Variants in KIF13A observed in about 807,000 individuals in gnomAD.
KIF13A encodes kinesin-like protein KIF13A.
A neutral mutation model predicts 212.2 loss-of-function variants in KIF13A; 79 were observed. That is an observed-to-expected ratio of 0.37 (90% CI 0.31 to 0.45). KIF13A has a LOEUF of 0.45. KIF13A is among the 20% of genes least tolerant of loss of function. KIF13A has a pLI of 1.00. For synonymous variants in KIF13A, 789 were observed against 808.6 expected, an observed-to-expected ratio of 0.98 and a Z score of 0.41; for missense variants, 1,901 against 2,209.0, an observed-to-expected ratio of 0.86 and a Z score of 2.79.
At chr6:17,975,506 C>T (rs943271586) in intron 2 of KIF13A, among the ~76,000 whole-genome samples, 2 of 151,734 alleles carry the variant, frequency 1.3e-5, no homozygotes, top group Non-Finnish European at 2.9e-5. Flanking sequence ...AATGTAGGCC[C>T]AAAAAGGGAG....
At chr6:17,942,700 G>A (rs773298586) in intron 2 of KIF13A, among the ~76,000 whole-genome samples, 11 of 152,110 alleles carry the variant, frequency 7.2e-5, no homozygotes, top group Non-Finnish European at 1.6e-4. Flanking sequence ...AGATTAGGCC[G>A]GGCGCAGTGG....
At chr6:17,840,189 C>A (rs1273676557) in intron 9 of KIF13A, among the ~76,000 whole-genome samples, 1 of 152,008 alleles carries the variant, frequency 6.6e-6, no homozygotes, top group East Asian at 1.9e-4. Flanking sequence ...ATTAATGCTA[C>A]TGAATTGAAC....
At chr6:17,929,898 C>T (rs1775847731) in intron 2 of KIF13A, among the ~76,000 whole-genome samples, 1 of 152,208 alleles carries the variant, frequency 6.6e-6, no homozygotes, top group South Asian at 2.1e-4. Flanking sequence ...CATGCAAACA[C>T]ATTAGCCAGT....
chr6:17,908,034 T>TA (rs1478635009), intron 2 of KIF13A, among the ~76,000 whole-genome samples: 4 of 152,072 alleles, frequency 2.6e-5, no homozygotes, highest in Non-Finnish European at 5.9e-5. Flanking sequence ...GTGTGTAAGT[T>TA]AAGACACTAC....
chr6:17,883,023 C>T lies in KIF13A; in HGVS notation c.160-9586G>A, dbSNP rs1771221282. Among the ~76,000 whole-genome samples, 1 of 152,014 alleles carries T rather than the reference C, an allele frequency of 6.6e-6. No individual in the cohort carries two copies. The highest frequency in any genetic ancestry group is 6.6e-5 in the Admixed American group (1 of 15,250). On this transcript the variant is annotated intron_variant, in intron 3 of 38. Coordinates refer to ENST00000259711, the MANE Select transcript of KIF13A (RefSeq NM_022113.6). The surrounding 1 kb of genome is among the most constrained non-coding windows in gnomAD (Gnocchi z 4.8). ...TCTTAGAGGATAAAGCCTTGGTTTC[C>T]CTAATCTTTTCATTACCAAAAATAC...
chr6:17,935,846 C>T (rs1016414677), intron 2 of KIF13A, among the ~76,000 whole-genome samples: 2 of 152,202 alleles, frequency 1.3e-5, no homozygotes, highest in Non-Finnish European at 2.9e-5. Context: ...TCATTTCCAA[C>T]CAGATTCTTG....
At position 17,783,635 on chromosome 6, in the gene KIF13A, T is replaced by C; in HGVS notation, c.3544+11A>G. On this transcript the variant is annotated intron_variant, in intron 29 of 38. Coordinates refer to ENST00000259711, the MANE Select transcript of KIF13A (RefSeq NM_022113.6). This position sits in a 1 kb window ranked among gnomAD's most constrained non-coding sequence, Gnocchi z 4.3. ...ATACAATAATCCCTGTGACTTTAAG[T>C]GTCTACTTACCATTCAAATCGAGGA... is the stretch of plus-strand genomic sequence containing the variant. The C allele has an allele frequency of 6.5e-7, 1 of 1,534,852 alleles. No homozygotes were observed. The highest frequency in any genetic ancestry group is 8.9e-7 in the Non-Finnish European group (1 of 1,121,406).
At chr6:17,877,719 A>T (rs1770698077) in intron 3 of KIF13A, among the ~76,000 whole-genome samples, 1 of 150,822 alleles carries the variant, frequency 6.6e-6, no homozygotes, top group African/African-American at 2.4e-5. Context: ...TATCCCGGGC[A>T]CTGTGCCCAA....
At chr6:17,782,403 C>T (rs1201643676) in intron 29 of KIF13A, among the ~76,000 whole-genome samples, 11 of 151,804 alleles carry the variant, frequency 7.2e-5, no homozygotes, top group South Asian at 2.1e-4. Context: ...TTTGGGAGGC[C>T]GAGCTGGGTG....
At position 17,968,288 on chromosome 6, in the gene KIF13A, T is replaced by G. The variant is rs1779500817; in HGVS notation, c.146+18766A>C. ...AGGGCTGTCCCAGATTCACAGGCAA[T>G]GGACTCCAGGTGGAGCTGGAGGAAG... is the stretch of plus-strand genomic sequence containing the variant. On this transcript the variant is annotated intron_variant, in intron 2 of 38. Transcript: ENST00000259711. This position sits in a 1 kb window ranked among gnomAD's most constrained non-coding sequence, Gnocchi z 4.7. Among the ~76,000 whole-genome samples, 1 of 152,190 alleles carries G rather than the reference T, an allele frequency of 6.6e-6. No homozygotes were observed. The highest frequency in any genetic ancestry group is 2.4e-5 in the African/African-American group (1 of 41,450).
chr6:17,929,726 G>A (rs769365520), intron 2 of KIF13A, among the ~76,000 whole-genome samples: 5 of 152,052 alleles, frequency 3.3e-5, no homozygotes, highest in Non-Finnish European at 7.4e-5. Flanking sequence ...TTGGTGGGAG[G>A]GAAGACAGGG....
At chr6:17,960,904 GA>G (rs1423247512) in intron 2 of KIF13A, among the ~76,000 whole-genome samples, 2 of 152,154 alleles carry the variant, frequency 1.3e-5, no homozygotes, top group Admixed American at 1.3e-4. Context: ...CATTGTTTTT[GA>G]GCACGAATTG....
intron 17 of KIF13A, chr6:17,812,158 C>T (rs893281816): frequency 6.6e-6 from 1 of 152,132 alleles, no homozygotes; most frequent in African/African-American, 2.4e-5. Flanking sequence ...CCTTCTTTAT[C>T]AGATACTTTT....
At chr6:17,978,426 TTGTTTTAATACC>T (rs1043461621) in intron 2 of KIF13A, among the ~76,000 whole-genome samples, 2 of 149,750 alleles carry the variant, frequency 1.3e-5, no homozygotes, top group African/African-American at 5.0e-5. Context: ...AAATCAACTC[TTGTTTTAATACC>T]TGTTTTCATC....
intron 3 of KIF13A, among the ~76,000 whole-genome samples, chr6:17,882,971 T>C (rs1695029230): frequency 6.6e-6 from 1 of 152,240 alleles, no homozygotes; most frequent in Admixed American, 6.5e-5. Context: ...TTATATACAA[T>C]TCCCTTTGTT....
chr6:17,888,595 G>A lies in KIF13A; in HGVS notation c.159+9573C>T, dbSNP rs991765537. Among the ~76,000 whole-genome samples the A allele has an allele frequency of 2.6e-5, 4 of 152,306 alleles. No individual in the cohort carries two copies. Among genetic ancestry groups the A allele is most frequent in the Non-Finnish European group, 4.4e-5 (3 of 68,032 alleles). ...TCCCAGCACTTTGGGAGGCCAAAGCGGGCAGATCACTTGAGGCCGGGAGTT... is the reference window on the plus strand; with the variant it reads ...TCCCAGCACTTTGGGAGGCCAAAGCAGGCAGATCACTTGAGGCCGGGAGTT... On this transcript the variant is annotated intron_variant, in intron 3 of 38. Transcript: ENST00000259711. This position sits in a 1 kb window ranked among gnomAD's most constrained non-coding sequence, Gnocchi z 4.8.
rs1764916661 is a variant in KIF13A at position 17,825,824 on chromosome 6, T to C, written c.1730A>G (p.Asp577Gly). Residue 577 changes from aspartate to glycine, a missense_variant, in exon 16 of 39, where the codon GAC (aspartate) becomes GGC (glycine). Coordinates refer to ENST00000259711, the MANE Select transcript of KIF13A (RefSeq NM_022113.6). This position sits in a 1 kb window ranked among gnomAD's most constrained non-coding sequence, Gnocchi z 4.5. ...CATCTGTGCAAATTCATAGTTATAG[T>C]CTGGTTCAGAGGAAGCCTCACTGGC... ...DAASEASSEP[D>G]YNYEFAQMEV... 1 of 1,613,996 alleles carries C rather than the reference T, an allele frequency of 6.2e-7. No homozygotes were observed. The highest frequency in any genetic ancestry group is 8.5e-7 in the Non-Finnish European group (1 of 1,179,866).
At chr6:17,784,426 CA>C (rs1374821612) in intron 28 of KIF13A, among the ~76,000 whole-genome samples, 1 of 151,942 alleles carries the variant, frequency 6.6e-6, no homozygotes, top group South Asian at 2.1e-4. Context: ...CTCAAAAAAA[CA>C]AAAAACAAAC....
Position 17,987,321 on chromosome 6 carries a change from G to T in KIF13A, c.55+88C>A. 1.9e-6 allele frequency: 2 copies of T among 1,035,336 alleles called. No individual in the cohort carries two copies. Among genetic ancestry groups the T allele is most frequent in the Non-Finnish European group, 2.5e-6 (2 of 795,022 alleles). 64.1% of individuals were successfully genotyped at this position (1,035,336 alleles called of 1,614,324 possible). On this transcript the variant is annotated intron_variant, in intron 1 of 38. Transcript: ENST00000259711. This position sits in a 1 kb window ranked among gnomAD's most constrained non-coding sequence, Gnocchi z 7.7. ...CCGCCCCGGCCCCCCGGCCCCGGCC[G>T]CGCTCTCGCCGTCCCGGCCCCGCAG...
Sources: allele counts gnomAD v4.1 joint callset (sites outside exome capture counted in the v4.1 genomes callset), GRCh38; gene constraint gnomAD v4.1.1; non-coding constraint Gnocchi (gnomAD v3.1); transcripts MANE v1.5; gene names NCBI Gene and HGNC (gene_info 2026-07-23, HGNC 2026-07-21).